CTTN: variants seen among roughly 807,000 people sequenced by gnomAD.
CTTN encodes the protein cortactin.
CTTN carries 28 observed loss-of-function variants against 84.0 expected under a neutral mutation model. The ratio of observed to expected loss-of-function variants is 0.33; its 90% confidence interval spans 0.25 to 0.46. The LOEUF (loss-of-function observed/expected upper bound fraction) is 0.46, where lower values mean the gene tolerates loss of function less well. Ranked by LOEUF, CTTN falls within the 20% of genes least tolerant of loss-of-function variation. The pLI is 1.00. For missense variants in CTTN, 641 were observed against 723.8 expected (o/e 0.89, Z 1.31); for synonymous variants, 301 against 288.8 (o/e 1.04, Z -0.43).
intron 15 of CTTN, among the ~76,000 whole-genome samples, chr11:70,431,910 C>A (rs1057207874): frequency 6.6e-6 from 1 of 152,168 alleles, no homozygotes; most frequent in African/African-American, 2.4e-5. Context: ...CTAACCACAC[C>A]CTCTACCTGT....
At chr11:70,421,273 A>T (rs895438218) in intron 10 of CTTN, among the ~76,000 whole-genome samples, 197 bp from the exon 11 acceptor site, 2 of 152,184 alleles carry the variant, frequency 1.3e-5, no homozygotes, top group African/African-American at 4.8e-5. Flanking sequence ...TTCAGATTTT[A>T]AGTTCATTCT....
chr11:70,423,817 G>A (rs918026678), intron 12 of CTTN, among the ~76,000 whole-genome samples: 9 of 152,322 alleles, frequency 5.9e-5, no homozygotes, highest in Admixed American at 2.6e-4. Context: ...AGCATCTGAC[G>A]TGCGTGGCCC....
At chr11:70,430,663 C>G (rs934639253) in intron 14 of CTTN, among the ~76,000 whole-genome samples, 1 of 152,194 alleles carries the variant, frequency 6.6e-6, no homozygotes, top group Admixed American at 6.5e-5. Flanking sequence ...TTATCCTACC[C>G]CAGTTCATCC....
chr11:70,422,946 C>A lies in CTTN; in HGVS notation c.908C>A (p.Ser303Tyr), dbSNP rs147676442. 15 of 1,614,104 alleles carry A rather than the reference C, an allele frequency of 9.3e-6. No individual in the cohort carries two copies. Among genetic ancestry groups the A allele is most frequent in the African/African-American group, 1.3e-5 (1 of 75,024 alleles). ...LAKHESQQDY[S>Y]KGFGGKYGVQ... Reference sequence around the variant, plus strand: ...GTGTTTTGCCACGTTTCAGACTACTCCAAAGGATTCGGCGGGAAGTATGGG... The same window carrying A: ...GTGTTTTGCCACGTTTCAGACTACTACAAAGGATTCGGCGGGAAGTATGGG... The change falls in exon 12 of 18, where the codon TCC becomes TAC. Residue 303 changes from serine (S) to tyrosine (Y), a missense_variant. By Grantham distance (144) the Ser-to-Tyr change is moderately radical. Coordinates refer to ENST00000301843, the MANE Select transcript of CTTN (RefSeq NM_005231.4).
In CTTN at chr11:70,409,836, A is replaced by C; in HGVS notation, c.167A>C (p.His56Pro). Reference protein sequence around the residue: ...GSGHQEHINIHKLRENVFQEH... With the variant: ...GSGHQEHINIPKLRENVFQEH... ...TTTTCATCTCTTCCATCAAGCATAC[A>C]CAAGCTGAGGGAGAATGTCTTTCAA... Residue 56 changes from histidine to proline, a missense_variant, in exon 5 of 18, where the codon CAC (histidine) becomes CCC (proline). Coordinates refer to ENST00000301843, the MANE Select transcript of CTTN (RefSeq NM_005231.4). The C allele has an allele frequency of 6.2e-7, 1 of 1,614,118 alleles. No individual in the cohort carries two copies. Among genetic ancestry groups the C allele is most frequent in the Non-Finnish European group, 8.5e-7 (1 of 1,179,978 alleles).
chr11:70,435,076 G>A lies in CTTN; in HGVS notation c.1567G>A (p.Glu523Lys), dbSNP rs1233613681. The change falls in exon 18 of 18, where the codon GAG becomes AAG. Residue 523 changes from glutamate (E) to lysine (K), a missense_variant. Physicochemically the swap from Glu to Lys is moderately conservative, Grantham distance 56 (BLOSUM62 1). This residue lies in a region of CTTN where 68 missense variants were observed against 102.2 expected (regional missense o/e 0.67). Transcript: ENST00000301843. ...CCCTGATGACATCATCACCAACATC[G>A]AGATGATTGACGACGGCTGGTGGCG... ...FDPDDIITNI[E>K]MIDDGWWRGV... The A allele has an allele frequency of 2.5e-6, 4 of 1,614,036 alleles. No individual in the cohort carries two copies. The highest frequency in any genetic ancestry group is 2.5e-6 in the Non-Finnish European group (3 of 1,180,032).
chr11:70,423,780 TGTC>T (rs59872381), intron 12 of CTTN, among the ~76,000 whole-genome samples: 14 of 152,310 alleles, frequency 9.2e-5, no homozygotes, highest in African/African-American at 3.1e-4. Context: ...GCATTCTGCA[TGTC>T]GTGACATGCG....
intron 1 of CTTN, among the ~76,000 whole-genome samples, chr11:70,404,243 C>A (rs150315331): frequency 2.0e-5 from 3 of 152,326 alleles, no homozygotes; most frequent in Admixed American, 6.5e-5. Flanking sequence ...CCCCTAGTTC[C>A]TAATGCGTGA....
chr11:70,423,143 C>T (rs1331137888), intron 12 of CTTN, 148 bp downstream of exon 12: 5 of 997,520 alleles, frequency 5.0e-6, no homozygotes, highest in African/African-American at 3.2e-5. Flanking sequence ...ATGACTGACT[C>T]GGACAGTCTT....
At chr11:70,432,954 G>A in intron 15 of CTTN, 147 bp from the exon 16 acceptor site, 1 of 799,770 alleles carries the variant, frequency 1.3e-6, no homozygotes. Context: ...GGCAGGCCTG[G>A]CCTTCCTATA....
At position 70,419,801 on chromosome 11, in the gene CTTN, G is replaced by A. The variant is rs769491806; in HGVS notation, c.624G>A (p.Lys208=). 22 of 1,613,148 alleles carry A rather than the reference G, an allele frequency of 1.4e-5. No homozygotes were observed. The highest frequency in any genetic ancestry group is 1.8e-5 in the Non-Finnish European group (21 of 1,179,876). ...KYGIDKDKVD[K]SAVGFEYQGK... ...GTATCGACAAGGACAAAGTGGATAA[G>A]AGCGCCGTTGGCTTTGAGTATCAAG... Residue 208 remains lysine (K), a synonymous_variant, in exon 9 of 18, where the codon AAG becomes AAA. Coordinates refer to ENST00000301843, the MANE Select transcript of CTTN (RefSeq NM_005231.4).
intron 16 of CTTN, 132 bp downstream of exon 16, chr11:70,433,410 T>G (rs971266587): frequency 2.0e-6 from 2 of 991,482 alleles, no homozygotes; most frequent in African/African-American, 3.3e-5. Flanking sequence ...CTATAGGGTC[T>G]TCTTGTCCCT....
At position 70,433,274 on chromosome 11, in the gene CTTN, C is replaced by G; in HGVS notation, c.1440C>G (p.Pro480=). Residue 480 remains proline (P), a synonymous_variant, in exon 16 of 18, where the codon CCC becomes CCG. Transcript: ENST00000301843. ...YESAEAPGHY[P]AEDSTYDEYE... ...GCGCAGAGGCCCCGGGCCACTATCC[C>G]GCAGGTACTGGGGCCCCACGCTGCA... 6.2e-6 allele frequency: 10 copies of G among 1,608,146 alleles called. No individual in the cohort carries two copies. Among genetic ancestry groups the G allele is most frequent in the Admixed American group, 1.7e-5 (1 of 59,368 alleles).
At chr11:70,420,308 CAT>C in intron 9 of CTTN, 90 bp from the exon 10 acceptor site, 1 of 823,146 alleles carries the variant, frequency 1.2e-6, no homozygotes, top group Non-Finnish European at 2.1e-6. Context: ...TTGAGTGAAT[CAT>C]ATGCGTTTAA....
At chr11:70,414,217 T>C (rs1337987421) in intron 5 of CTTN, among the ~76,000 whole-genome samples, 1 of 151,834 alleles carries the variant, frequency 6.6e-6, no homozygotes, top group Non-Finnish European at 1.5e-5. Context: ...TGGTGGCGGG[T>C]GCCTATAGTC....
At chr11:70,428,786 G>A (rs533905707) in intron 13 of CTTN, among the ~76,000 whole-genome samples, 2 of 152,390 alleles carry the variant, frequency 1.3e-5, no homozygotes, top group African/African-American at 4.8e-5. Context: ...GTGTGGTGGT[G>A]AAGATACCGT....
At chr11:70,430,443 G>A (rs554564447) in intron 14 of CTTN, among the ~76,000 whole-genome samples, 2 of 152,022 alleles carry the variant, frequency 1.3e-5, no homozygotes, top group Non-Finnish European at 2.9e-5. Flanking sequence ...CCTCGGCCCT[G>A]TCTTCCCATC....
chr11:70,415,545 T>G (rs2058148312), intron 6 of CTTN, 118 bp from the exon 7 acceptor site: 2 of 953,758 alleles, frequency 2.1e-6, no homozygotes, highest in Admixed American at 3.5e-5. Context: ...AACCCAGAGG[T>G]CACAGCATCA....
intron 7 of CTTN, 40 bp downstream of exon 7, chr11:70,415,757 C>A: frequency 6.2e-7 from 1 of 1,604,670 alleles, no homozygotes; most frequent in South Asian, 1.1e-5. Context: ...GCTCCGGGGG[C>A]CCCGATGGGG....
Sources: gnomAD v4.1 joint callset for allele counts (sites outside exome capture counted in the v4.1 genomes callset) on GRCh38, gnomAD v4.1.1 for gene constraint, gnomAD v4.1.1 regional missense constraint, MANE v1.5 for transcripts, NCBI Gene and HGNC (gene_info 2026-07-23, HGNC 2026-07-21) for gene names.